Variants in RBPJ observed in about 807,000 individuals in gnomAD.
The protein encoded by RBPJ is recombining binding protein suppressor of hairless.
In RBPJ, 9 loss-of-function variants were observed where a neutral mutation model predicts 67.8. That is an observed-to-expected ratio of 0.13 (90% confidence interval 0.08 to 0.23). RBPJ has a LOEUF of 0.23. RBPJ is among the 10% of genes least tolerant of loss of function. The probability of loss-of-function intolerance (pLI) is 1.00; values close to 1 mark genes in which losing one functional copy is unlikely to be tolerated. For synonymous variants in RBPJ, 198 were observed against 203.3 expected (o/e 0.97, Z 0.22); for missense variants, 305 against 595.6 (o/e 0.51, Z 5.08).
chr4:26,319,704 G>C, upstream of RBPJ: 1 of 703,404 alleles, frequency 1.4e-6, no homozygotes, highest in Admixed American at 2.1e-5. Flanking sequence ...AGACTGGACT[G>C]CCCGCATTGG....
At chr4:26,107,630 G>C in the RBPJ span, among the ~76,000 whole-genome samples, 1 of 152,240 alleles carries the variant, frequency 6.6e-6, no homozygotes, top group Non-Finnish European at 1.5e-5. Context: ...AGGTGTGGGG[G>C]CTCACAACTG....
At position 26,356,693 on chromosome 4, in the gene RBPJ, A is replaced by G. The variant is rs113798344; in HGVS notation, c.21-29660A>G. On this transcript the variant is annotated intron_variant, in intron 1 of 10. Transcript: ENST00000355476. Reference sequence around the variant, plus strand: ...CCATATCCATAATATAGTTGTAACAATATATTTAGCCAGTTCCCATTTGGT... The same window carrying G: ...CCATATCCATAATATAGTTGTAACAGTATATTTAGCCAGTTCCCATTTGGT... 7.7e-3 allele frequency among the ~76,000 whole-genome samples: 1,176 copies of G among 152,286 alleles called. 10 individuals carry two copies. Among genetic ancestry groups the G allele is most frequent in the Non-Finnish European group, 0.013 (858 of 68,028 alleles).
chr4:26,313,306 C>T (rs746486769), intron 1 of RBPJ, among the ~76,000 whole-genome samples: 11 of 152,006 alleles, frequency 7.2e-5, no homozygotes, highest in Admixed American at 2.6e-4. Flanking sequence ...CCGAGGTGGG[C>T]GGATCACCTG....
intron 1 of RBPJ, among the ~76,000 whole-genome samples, chr4:26,196,656 C>T (rs899679897): frequency 1.3e-5 from 2 of 152,174 alleles, no homozygotes; most frequent in Non-Finnish European, 1.5e-5. Context: ...TTCCACACTT[C>T]TTGATTTAGT....
the RBPJ span, among the ~76,000 whole-genome samples, chr4:26,106,626 T>C: frequency 6.6e-6 from 1 of 152,210 alleles, no homozygotes; most frequent in Non-Finnish European, 1.5e-5. Flanking sequence ...ATCATGTTTA[T>C]GGGAGATTCT....
At chr4:26,327,958 TGTGAACA>T (rs1171312907) in intron 1 of RBPJ, among the ~76,000 whole-genome samples, 1 of 152,230 alleles carries the variant, frequency 6.6e-6, no homozygotes, top group Non-Finnish European at 1.5e-5. Context: ...TTTAAAATAA[TGTGAACA>T]GTCTATTATG....
At chr4:26,206,812 A>G in intron 1 of RBPJ, among the ~76,000 whole-genome samples, 1 of 150,814 alleles carries the variant, frequency 6.6e-6, no homozygotes, top group South Asian at 2.1e-4. Context: ...CGCAGTCACT[A>G]CAAGAAATAC....
At chr4:26,311,680 T>C (rs1167018955) in intron 1 of RBPJ, among the ~76,000 whole-genome samples, 5 of 152,220 alleles carry the variant, frequency 3.3e-5, no homozygotes, top group Non-Finnish European at 7.3e-5. Context: ...ATTTAAATAT[T>C]TCATTTATTG....
intron 1 of RBPJ, among the ~76,000 whole-genome samples, chr4:26,210,970 C>G (rs1432337686): frequency 6.6e-6 from 1 of 151,854 alleles, no homozygotes; most frequent in Non-Finnish European, 1.5e-5. Context: ...AGTCCATAAG[C>G]TTCTTGTAAG....
chr4:26,421,681 C>G (rs1359667382), intron 5 of RBPJ, among the ~76,000 whole-genome samples: 2 of 152,112 alleles, frequency 1.3e-5, no homozygotes, highest in East Asian at 1.9e-4. Context: ...TTCATTATCT[C>G]CATCACCACC....
rs73112594 is a variant in RBPJ, at chr4:26,210,444, G to A, written c.-167+46830G>A. ...ACCTGGGTGCAGAGAGCAGCAGAGG[G>A]CAATCGCATCAATTTAAAGCCATTC... is the stretch of plus-strand genomic sequence containing the variant. On this transcript the variant is annotated intron_variant, in intron 1 of 4. Transcript: ENST00000512351. Among the ~76,000 whole-genome samples, 827 of 152,220 alleles carry A rather than the reference G, an allele frequency of 5.4e-3. 8 individuals carry two copies. The highest frequency in any genetic ancestry group is 0.019 in the African/African-American group (801 of 41,540).
In RBPJ at chr4:26,246,973, C is replaced by CTTTT. The variant is rs56160527; in HGVS notation, c.-167+83375_-167+83378dup. ...TCTATTATCTATGGAACATAATACGCTTTTTTTTTTTTTTTTTTTGAGACA... is the reference window on the plus strand; with the variant it reads ...TCTATTATCTATGGAACATAATACGCTTTTTTTTTTTTTTTTTTTTTTTGAGACA... On this transcript the variant is annotated intron_variant, in intron 1 of 4. Transcript: ENST00000512351. Among the ~76,000 whole-genome samples the CTTTT allele has an allele frequency of 6.6e-5, 8 of 121,958 alleles. 1 individual carries two copies. The highest frequency in any genetic ancestry group is 1.6e-4 in the African/African-American group (5 of 31,798). 80.0% of individuals were successfully genotyped at this position (121,958 alleles called of 152,430 possible).
At chr4:26,305,568 T>C (rs1178530565) in intron 1 of RBPJ, among the ~76,000 whole-genome samples, 3 of 152,116 alleles carry the variant, frequency 2.0e-5, no homozygotes, top group Non-Finnish European at 2.9e-5. Context: ...AAGTACTTTA[T>C]TTATTTAATT....
At chr4:26,393,428 G>A (rs930020245) in intron 2 of RBPJ, among the ~76,000 whole-genome samples, 9 of 152,070 alleles carry the variant, frequency 5.9e-5, no homozygotes, top group Non-Finnish European at 8.8e-5. Context: ...AGGCTATAGC[G>A]CAGTGGTGTG....
chr4:26,421,852 A>G (rs1000325311), intron 5 of RBPJ, among the ~76,000 whole-genome samples: 1 of 151,954 alleles, frequency 6.6e-6, no homozygotes, highest in African/African-American at 2.4e-5. Flanking sequence ...CTAATATCCT[A>G]TTTCATGTAC....
chr4:26,124,890 G>A, the RBPJ span, among the ~76,000 whole-genome samples: 4 of 152,058 alleles, frequency 2.6e-5, no homozygotes, highest in African/African-American at 4.8e-5. Flanking sequence ...ATCATTGACC[G>A]AATGTCCTTA....
intron 3 of RBPJ, 27 bp from the exon 4 acceptor site, chr4:26,415,448 T>G: frequency 1.3e-6 from 2 of 1,520,852 alleles, no homozygotes; most frequent in Non-Finnish European, 1.8e-6. Flanking sequence ...TGCTTCTTGT[T>G]TTTTTTTTTC....
At chr4:26,307,003 T>G (rs1359315872) in intron 1 of RBPJ, among the ~76,000 whole-genome samples, 1 of 152,162 alleles carries the variant, frequency 6.6e-6, no homozygotes. Flanking sequence ...CTCTGGGTAC[T>G]TCACATAAAA....
chr4:26,430,593 A>G lies in RBPJ; in HGVS notation c.1148+71A>G. On this transcript the variant is annotated intron_variant, in intron 10 of 10. Transcript: ENST00000355476. The surrounding 1 kb of genome is among the most constrained non-coding windows in gnomAD (Gnocchi z 4.1). ...TGGGTACAGGAGATTCTTTCCTGGC[A>G]CTGATTGTAATGTATTAAACAACCT... 1 of 1,518,214 alleles carries G rather than the reference A, an allele frequency of 6.6e-7. No homozygotes were observed. Among genetic ancestry groups the G allele is most frequent in the Non-Finnish European group, 9.0e-7 (1 of 1,111,092 alleles). The allele number at this position is 1,518,214 out of a possible 1,614,324, so 94.0% of individuals were successfully genotyped here. A position where few individuals can be genotyped will look rare whatever the true frequency, so the allele number is the denominator to read the frequency against.
Sources: gnomAD v4.1 joint callset for allele counts (sites outside exome capture counted in the v4.1 genomes callset) on GRCh38, gnomAD v4.1.1 for gene constraint, Gnocchi (gnomAD v3.1) non-coding constraint, MANE v1.5 for transcripts, NCBI Gene and HGNC (gene_info 2026-07-23, HGNC 2026-07-21) for gene names.